The following PIEZO2 variants were observed in gnomAD, a reference collection of about 807,000 sequenced individuals.
PIEZO2 encodes the protein piezo type mechanosensitive ion channel component 2.
In PIEZO2, 172 loss-of-function variants were observed where a neutral mutation model predicts 337.3. That is an observed-to-expected ratio of 0.51 (90% CI 0.45 to 0.58). The LOEUF (loss-of-function observed/expected upper bound fraction) is 0.58. PIEZO2 is among the 20% of genes least tolerant of loss of function. PIEZO2 has a pLI of 0.00. For missense variants in PIEZO2, 3,028 were observed against 3,391.3 expected (o/e 0.89, Z 2.66); for synonymous variants, 1,251 against 1,228.5 (o/e 1.02, Z -0.38).
At chr18:11,059,781 G>T (rs921087180) in intron 2 of PIEZO2, among the ~76,000 whole-genome samples, 40 of 152,252 alleles carry the variant, frequency 2.6e-4, no homozygotes, top group Non-Finnish European at 4.3e-4. Flanking sequence ...CCTAGAAAGA[G>T]ACTTAGACTC....
chr18:10,697,607 G>A (rs1166318815), intron 45 of PIEZO2, 141 bp downstream of exon 45: 2 of 1,095,890 alleles, frequency 1.8e-6, no homozygotes, highest in Non-Finnish European at 2.5e-6. Flanking sequence ...AAGACAAAAA[G>A]GGGTAATTTC....
rs2042878891 is a variant in PIEZO2 at position 10,895,649 on chromosome 18, T to C, written c.329+15537A>G. Among the ~76,000 whole-genome samples the C allele has an allele frequency of 6.6e-6, 1 of 152,114 alleles. No individual in the cohort carries two copies. Among genetic ancestry groups the C allele is most frequent in the African/African-American group, 2.4e-5 (1 of 41,424 alleles). ...CTCAGGATTTGCATTGGAGTGATCC[T>C]CAGTTTAACACCTGGGAAATGGGGC... On this transcript the variant is annotated intron_variant, in intron 4 of 55. Coordinates refer to ENST00000674853, the MANE Select transcript of PIEZO2 (RefSeq NM_001378183.1). This position sits in a 1 kb window ranked among gnomAD's most constrained non-coding sequence, Gnocchi z 4.8.
Position 10,830,334 on chromosome 18 carries a change from T to C in PIEZO2, c.918-23060A>G, listed in dbSNP as rs2144532462. Among the ~76,000 whole-genome samples, 2 of 152,340 alleles carry C rather than the reference T, an allele frequency of 1.3e-5. No homozygotes were observed. Among genetic ancestry groups the C allele is most frequent in the South Asian group, 4.1e-4 (2 of 4,830 alleles). The stretch of plus-strand genomic sequence containing the variant: ...TAAAGACCTCAAACTGTGAAACTAC[T>C]GCAAGAAAACATTGGGAAAAATCTC... On this transcript the variant is annotated intron_variant, in intron 7 of 55. Coordinates refer to ENST00000674853, the MANE Select transcript of PIEZO2 (RefSeq NM_001378183.1). The surrounding 1 kb of genome is among the most constrained non-coding windows in gnomAD (Gnocchi z 4.7).
At chr18:10,719,190 T>A (rs952509892) in intron 36 of PIEZO2, among the ~76,000 whole-genome samples, 9 of 152,130 alleles carry the variant, frequency 5.9e-5, no homozygotes, top group African/African-American at 1.9e-4. Flanking sequence ...ACAAGAAATT[T>A]TAAATTTAAG....
At position 11,095,239 on chromosome 18, in the gene PIEZO2, G is replaced by T. The variant is rs141577402; in HGVS notation, c.65-29017C>A. ...TAAACAAAAACCTTATCAGCACTTG[G>T]ACTTGAAGTCTAGACATTGGCTGCC... is the stretch of plus-strand genomic sequence containing the variant. On this transcript the variant is annotated intron_variant, in intron 1 of 55. Coordinates refer to ENST00000674853, the MANE Select transcript of PIEZO2 (RefSeq NM_001378183.1). 5.4e-3 allele frequency among the ~76,000 whole-genome samples: 822 copies of T among 152,288 alleles called. 10 individuals carry two copies. Among genetic ancestry groups the T allele is most frequent in the South Asian group, 0.016 (78 of 4,822 alleles).
intron 2 of PIEZO2, among the ~76,000 whole-genome samples, chr18:11,046,688 T>C (rs2037329644): frequency 6.6e-6 from 1 of 152,240 alleles, no homozygotes; most frequent in Non-Finnish European, 1.5e-5. Context: ...CTGGCCTCTT[T>C]CTAACTCTCA....
chr18:10,676,550 A>G lies in PIEZO2; in HGVS notation c.8081+1197T>C, dbSNP rs2034009438. 6.6e-6 allele frequency among the ~76,000 whole-genome samples: 1 copy of G among 152,214 alleles called. No individual in the cohort carries two copies. Among genetic ancestry groups the G allele is most frequent in the South Asian group, 2.1e-4 (1 of 4,822 alleles). ...TTTCCTTTTACCCCTTGTCCTCCTC[A>G]ACCGTGTATACTCTACCCCCATTCA... On this transcript the variant is annotated intron_variant, in intron 53 of 55. Coordinates refer to ENST00000674853, the MANE Select transcript of PIEZO2 (RefSeq NM_001378183.1). This position sits in a 1 kb window ranked among gnomAD's most constrained non-coding sequence, Gnocchi z 5.1.
At chr18:10,684,503 C>T (rs1221990351) in intron 49 of PIEZO2, among the ~76,000 whole-genome samples, 5 of 142,878 alleles carry the variant, frequency 3.5e-5, no homozygotes, top group East Asian at 2.1e-4. Context: ...GTCTTGCTGT[C>T]GCCCAGGCTG....
At chr18:11,055,073 C>T (rs9964214) in intron 2 of PIEZO2, among the ~76,000 whole-genome samples, 10,228 of 151,812 alleles carry the variant, frequency 0.067, 921 homozygotes, top group African/African-American at 0.2. Context: ...TAGCTGGGCG[C>T]GGTGGCAGGC....
At chr18:11,011,947 C>T (rs1222736741) in intron 2 of PIEZO2, among the ~76,000 whole-genome samples, 1 of 152,180 alleles carries the variant, frequency 6.6e-6, no homozygotes, top group Non-Finnish European at 1.5e-5. Flanking sequence ...CATAACTGCA[C>T]TTCTGCCTCG....
intron 8 of PIEZO2, among the ~76,000 whole-genome samples, 176 bp from the exon 9 acceptor site, chr18:10,804,170 A>G (rs1462944845): frequency 6.6e-6 from 1 of 152,250 alleles, no homozygotes; most frequent in East Asian, 1.9e-4. Flanking sequence ...CCACCCTGTA[A>G]TTGTAAGTAC....
At chr18:10,810,303 C>A (rs2040149266) in intron 7 of PIEZO2, among the ~76,000 whole-genome samples, 1 of 152,194 alleles carries the variant, frequency 6.6e-6, no homozygotes, top group African/African-American at 2.4e-5. Flanking sequence ...AGAGACACAT[C>A]AGACCCTTGG....
intron 21 of PIEZO2, among the ~76,000 whole-genome samples, chr18:10,765,517 T>C (rs760302575): frequency 2.0e-5 from 3 of 152,068 alleles, no homozygotes; most frequent in African/African-American, 7.2e-5. Context: ...TCTGGCCGCA[T>C]TGTGGAATAC....
At chr18:10,822,444 C>A (rs2040545803) in intron 7 of PIEZO2, among the ~76,000 whole-genome samples, 2 of 152,098 alleles carry the variant, frequency 1.3e-5, no homozygotes, top group Admixed American at 6.5e-5. Context: ...GCTAAAAATA[C>A]CTTTGAGAAA....
chr18:11,149,406 G>T lies in PIEZO2; in HGVS notation c.-818C>A, dbSNP rs935372945. The stretch of plus-strand genomic sequence containing the variant: ...GAAATGGAGACCAGAGCGCATATCG[G>T]GTGAGTGGGTCTCCCACTCCCTCCT... On this transcript the variant is annotated 5_prime_UTR_variant, in exon 1 of 56. Coordinates refer to ENST00000674853, the MANE Select transcript of PIEZO2 (RefSeq NM_001378183.1). The surrounding 1 kb of genome is among the most constrained non-coding windows in gnomAD (Gnocchi z 8.7). Among the ~76,000 whole-genome samples the T allele has an allele frequency of 1.3e-5, 2 of 152,068 alleles. No homozygotes were observed. The highest frequency in any genetic ancestry group is 2.4e-5 in the African/African-American group (1 of 41,440).
chr18:10,791,216 C>T lies in PIEZO2; in HGVS notation c.1867G>A (p.Glu623Lys), dbSNP rs1555647548. ...ACTAATTTACCTTTTTCTTCATTTT[C>T]CTGACTGCCAATTTTGACTTCCGAT... The part of the protein sequence containing the change: ...LLSEVKIGSQ[E>K]NEEKDEELQD... The change falls in exon 14 of 56, where the codon GAA becomes AAA. Residue 623 changes from glutamate (E) to lysine (K), a missense_variant. Glu to Lys is a moderately conservative substitution (Grantham distance 56). Coordinates refer to ENST00000674853, the MANE Select transcript of PIEZO2 (RefSeq NM_001378183.1). The T allele has an allele frequency of 6.5e-7, 1 of 1,535,384 alleles. No individual in the cohort carries two copies. The highest frequency in any genetic ancestry group is 8.7e-7 in the Non-Finnish European group (1 of 1,145,936).
In PIEZO2 at chr18:10,947,260, G is replaced by A. The variant is rs370955956; in HGVS notation, c.286+32275C>T. On this transcript the variant is annotated intron_variant, in intron 3 of 55. Transcript: ENST00000674853. ...AGAGAAAAAGCACTGAAAGCAGCCCGAGAGAAATGATGCATTACGTCTAAG... is the reference window on the plus strand; with the variant it reads ...AGAGAAAAAGCACTGAAAGCAGCCCAAGAGAAATGATGCATTACGTCTAAG... Among the ~76,000 whole-genome samples, 311 of 152,198 alleles carry A rather than the reference G, an allele frequency of 2.0e-3. 3 individuals are homozygous for A. Among genetic ancestry groups the A allele is most frequent in the African/African-American group, 6.9e-3 (287 of 41,534 alleles).
chr18:10,920,422 C>T (rs1188378994), intron 3 of PIEZO2, among the ~76,000 whole-genome samples: 5 of 151,944 alleles, frequency 3.3e-5, no homozygotes, highest in East Asian at 3.8e-4. Context: ...ATATGAACAC[C>T]GGAAATAGCC....
intron 1 of PIEZO2, among the ~76,000 whole-genome samples, chr18:11,079,750 T>A (rs2038674039): frequency 6.6e-6 from 1 of 152,194 alleles, no homozygotes; most frequent in East Asian, 1.9e-4. Context: ...CAAATGTTTG[T>A]CTCGTCTCTC....
Sources: allele counts gnomAD v4.1 joint callset (sites outside exome capture counted in the v4.1 genomes callset), GRCh38; gene constraint gnomAD v4.1.1; non-coding constraint Gnocchi (gnomAD v3.1); transcripts MANE v1.5; gene names NCBI Gene and HGNC (gene_info 2026-07-23, HGNC 2026-07-21).